SPTLC3: variants seen among roughly 807,000 people sequenced by gnomAD.
SPTLC3 encodes the protein serine palmitoyltransferase long chain base subunit 3.
Under a neutral mutation model 59.3 loss-of-function variants are expected in SPTLC3, and 36 were observed. That is an observed-to-expected ratio of 0.61 (90% confidence interval 0.47 to 0.80). SPTLC3 has a LOEUF of 0.80. Ranked by LOEUF, SPTLC3 falls within the 30% of genes least tolerant of loss-of-function variation. SPTLC3 has a pLI of 0.00. For missense variants in SPTLC3, 625 were observed against 685.1 expected, an observed-to-expected ratio of 0.91 and a Z score of 0.98; for synonymous variants, 257 against 240.8, an observed-to-expected ratio of 1.07 and a Z score of -0.62.
intron 10 of SPTLC3, among the ~76,000 whole-genome samples, chr20:13,159,746 C>T (rs899662737): frequency 2.0e-5 from 3 of 152,096 alleles, no homozygotes; most frequent in African/African-American, 7.2e-5. Flanking sequence ...TCAATATCCA[C>T]AATTATCTAA....
rs978595136 is a variant in SPTLC3 at position 13,165,294 on chromosome 20, C to A, written c.*427C>A. 6.3e-6 allele frequency: 1 copy of A among 159,132 alleles called. No homozygotes were observed. Among genetic ancestry groups the A allele is most frequent in the African/African-American group, 2.4e-5 (1 of 41,522 alleles). 9.9% of individuals were successfully genotyped at this position (159,132 alleles called of 1,614,324 possible). A position where few individuals can be genotyped will look rare whatever the true frequency, so the allele number is the denominator to read the frequency against. Reference sequence around the variant, plus strand: ...GTAAGTGAGTGTGGTGGACAGTAGCCACCTTCCTTGTTCCACTCATAAAAG... The same window carrying A: ...GTAAGTGAGTGTGGTGGACAGTAGCAACCTTCCTTGTTCCACTCATAAAAG... On this transcript the variant is annotated 3_prime_UTR_variant, in exon 12 of 12. Coordinates refer to ENST00000399002, the MANE Select transcript of SPTLC3 (RefSeq NM_018327.4).
chr20:13,089,172 A>G (rs1989117289), intron 4 of SPTLC3, among the ~76,000 whole-genome samples: 1 of 152,332 alleles, frequency 6.6e-6, no homozygotes, highest in South Asian at 2.1e-4. Flanking sequence ...ATAGTAAACT[A>G]TGTTGATCCT....
At chr20:13,052,817 C>T (rs6041814) in intron 2 of SPTLC3, among the ~76,000 whole-genome samples, 132,622 of 152,138 alleles carry the variant, frequency 0.87, 57,870 homozygotes, top group East Asian at 0.92. Context: ...TCCTCAAAGC[C>T]GCTGTAGCCA....
At chr20:13,038,560 T>G (rs1986837521) in intron 1 of SPTLC3, among the ~76,000 whole-genome samples, 2 of 152,178 alleles carry the variant, frequency 1.3e-5, no homozygotes, top group Admixed American at 1.3e-4. Context: ...TTTTGCTGGT[T>G]TCTCTTTTTG....
chr20:13,022,213 A>G (rs529775279), intron 1 of SPTLC3, among the ~76,000 whole-genome samples: 2 of 152,222 alleles, frequency 1.3e-5, no homozygotes, highest in African/African-American at 4.8e-5. Flanking sequence ...TCTGCATTCT[A>G]TCTCTCAGTA....
At chr20:13,089,805 C>G (rs184859) in intron 4 of SPTLC3, among the ~76,000 whole-genome samples, 20 of 126,510 alleles carry the variant, frequency 1.6e-4, no homozygotes, top group African/African-American at 5.9e-4. Flanking sequence ...AAAAAAAAAA[C>G]AAAACAATGT....
chr20:13,082,155 G>A (rs895018690), intron 4 of SPTLC3, among the ~76,000 whole-genome samples: 2 of 152,212 alleles, frequency 1.3e-5, no homozygotes, highest in Non-Finnish European at 2.9e-5. Context: ...TATCTGGGAT[G>A]ATCAAACAAT....
chr20:13,102,909 AC>A (rs1407909362), intron 6 of SPTLC3, among the ~76,000 whole-genome samples: 2 of 151,288 alleles, frequency 1.3e-5, no homozygotes, highest in Admixed American at 1.3e-4. Context: ...TGCTGCAATT[AC>A]CCCCTCCCCC....
chr20:13,104,743 T>A (rs547995522), intron 6 of SPTLC3, among the ~76,000 whole-genome samples: 1 of 152,332 alleles, frequency 6.6e-6, no homozygotes, highest in African/African-American at 2.4e-5. Flanking sequence ...AACCACACTG[T>A]ACCATAGCAC....
chr20:13,098,960 C>T (rs1161130445), intron 6 of SPTLC3, among the ~76,000 whole-genome samples: 1 of 152,156 alleles, frequency 6.6e-6, no homozygotes, highest in Non-Finnish European at 1.5e-5. Flanking sequence ...GTCTATTATG[C>T]CTGAGCTGCT....
At chr20:13,119,514 T>G (rs1990781415) in intron 8 of SPTLC3, among the ~76,000 whole-genome samples, 1 of 152,200 alleles carries the variant, frequency 6.6e-6, no homozygotes, top group Non-Finnish European at 1.5e-5. Flanking sequence ...TTATTTACAT[T>G]AATCGGGATG....
rs74852810 is a variant in SPTLC3 at position 13,088,179 on chromosome 20, T to A, written c.608-2904T>A. On this transcript the variant is annotated intron_variant, in intron 4 of 11. Coordinates refer to ENST00000399002, the MANE Select transcript of SPTLC3 (RefSeq NM_018327.4). ...TGGCAAATGATATGCCCATGTTTTA[T>A]TCCCAAATATCAGTTTCTCTTTCTG... Among the ~76,000 whole-genome samples the A allele has an allele frequency of 8.1e-3, 1,239 of 152,338 alleles. 12 individuals are homozygous for A. The highest frequency in any genetic ancestry group is 0.028 in the African/African-American group (1,156 of 41,582).
At chr20:13,068,300 T>C (rs900472715) in intron 2 of SPTLC3, among the ~76,000 whole-genome samples, 4 of 152,230 alleles carry the variant, frequency 2.6e-5, no homozygotes, top group African/African-American at 9.6e-5. Context: ...TTCTATCATA[T>C]CTAGCCATTT....
chr20:13,035,665 T>G (rs1482757751), intron 1 of SPTLC3, among the ~76,000 whole-genome samples: 1 of 152,156 alleles, frequency 6.6e-6, no homozygotes, highest in Non-Finnish European at 1.5e-5. Flanking sequence ...AGGTGCTGTG[T>G]GCAAATAGAT....
intron 6 of SPTLC3, among the ~76,000 whole-genome samples, chr20:13,103,438 G>A (rs6109703): frequency 0.38 from 58,424 of 152,102 alleles, 13,976 homozygotes; most frequent in African/African-American, 0.69. Flanking sequence ...TGGGGGGTAA[G>A]GGACTAGGAA....
At chr20:13,040,000 G>A (rs967770054) in intron 1 of SPTLC3, among the ~76,000 whole-genome samples, 1 of 151,476 alleles carries the variant, frequency 6.6e-6, no homozygotes, top group Non-Finnish European at 1.5e-5. Context: ...TCTTTTTTAA[G>A]AAGCTGGAAA....
rs1022918980 is a variant in SPTLC3, at chr20:13,158,741, CTG to C, written c.1416-1256_1416-1255del. Among the ~76,000 whole-genome samples, 717 of 152,310 alleles carry C rather than the reference CTG, an allele frequency of 4.7e-3. 2 individuals carry two copies. Among genetic ancestry groups the C allele is most frequent in the African/African-American group, 0.016 (673 of 41,566 alleles). ...CGCCCAAGCCAGGGAGCCAGAGAGG[CTG>C]TGTGTCTTGTGGGTCCTGCAGTCTC... On this transcript the variant is annotated intron_variant, in intron 10 of 11. Coordinates refer to ENST00000399002, the MANE Select transcript of SPTLC3 (RefSeq NM_018327.4).
chr20:13,150,344 A>G (rs548918192), intron 9 of SPTLC3, among the ~76,000 whole-genome samples: 1 of 152,322 alleles, frequency 6.6e-6, no homozygotes, highest in South Asian at 2.1e-4. Flanking sequence ...TTTTTAGCAC[A>G]AAGGAGACTG....
At chr20:13,091,253 A>T (rs1989205856) in intron 5 of SPTLC3, 46 bp downstream of exon 5, 7 of 1,599,444 alleles carry the variant, frequency 4.4e-6, no homozygotes, top group Middle Eastern at 3.5e-4. Flanking sequence ...TACTCCTAAG[A>T]ACTGTAACTC....
Sources: allele counts gnomAD v4.1 joint callset (sites outside exome capture counted in the v4.1 genomes callset), GRCh38; gene constraint gnomAD v4.1.1; transcripts MANE v1.5; gene names NCBI Gene and HGNC (gene_info 2026-07-23, HGNC 2026-07-21).